ST6GALNAC1: variants seen among roughly 807,000 people sequenced by gnomAD.
ST6GALNAC1 encodes the protein alpha-N-acetylgalactosaminide alpha-2,6-sialyltransferase 1.
Under a neutral mutation model 56.8 loss-of-function variants are expected in ST6GALNAC1, and 45 were observed. That is an observed-to-expected ratio of 0.79 (90% CI 0.62 to 1.02). ST6GALNAC1 has a LOEUF of 1.02. ST6GALNAC1 is among the 50% of genes least tolerant of loss of function. The pLI, the probability that ST6GALNAC1 is intolerant of heterozygous loss-of-function variation, is 0.00. For missense variants in ST6GALNAC1, 743 were observed against 754.8 expected (o/e 0.98, Z 0.18); for synonymous variants, 295 against 297.8 (o/e 0.99, Z 0.10).
At chr17:76,638,110 C>T (rs868476461) in intron 1 of ST6GALNAC1, among the ~76,000 whole-genome samples, 3 of 132,802 alleles carry the variant, frequency 2.3e-5, no homozygotes, top group Non-Finnish European at 3.2e-5. Flanking sequence ...ACAGCTCACT[C>T]TTTTTTTTTT....
chr17:76,622,522 G>A (rs1389523855), downstream of ST6GALNAC1, among the ~76,000 whole-genome samples: 2 of 152,060 alleles, frequency 1.3e-5, no homozygotes, highest in South Asian at 2.1e-4. Context: ...ACGCCACCAT[G>A]CCCAGCTAAT....
intron 1 of ST6GALNAC1, 108 bp downstream of exon 1, chr17:76,643,400 C>T: frequency 2.5e-6 from 3 of 1,212,622 alleles, no homozygotes; most frequent in Admixed American, 2.2e-5. Flanking sequence ...CTGACACTCC[C>T]ATGTGGACAC....
At chr17:76,621,931 AGTCT>A (rs745438973), downstream of ST6GALNAC1, among the ~76,000 whole-genome samples, 36 of 140,284 alleles carry the variant, frequency 2.6e-4, no homozygotes, top group Middle Eastern at 3.7e-3. Context: ...ATTTGTTTAA[AGTCT>A]TTCTTTTCTT....
Position 76,627,307 on chromosome 17 carries a change from C to T in ST6GALNAC1, c.1001-69G>A. 3.2e-6 allele frequency: 5 copies of T among 1,561,652 alleles called. No homozygotes were observed. The highest frequency in any genetic ancestry group is 4.3e-6 in the Non-Finnish European group (5 of 1,152,814). On this transcript the variant is annotated intron_variant, in intron 3 of 8. Transcript: ENST00000156626. This position sits in a 1 kb window ranked among gnomAD's most constrained non-coding sequence, Gnocchi z 4.4. ...ACAGGAGTCCGACCCATCATTCCTC[C>T]CAGGTCTGGCAAACCCCAGGGAAGA... is the stretch of plus-strand genomic sequence containing the variant.
Position 76,629,455 on chromosome 17 carries a change from C to G in ST6GALNAC1, c.388G>C (p.Glu130Gln). Residue 130 changes from glutamate (E) to glutamine (Q), a missense_variant, in exon 2 of 9, where the codon GAG (glutamate) becomes CAG (glutamine). Glu to Gln is a conservative substitution (Grantham distance 29). Coordinates refer to ENST00000156626, the MANE Select transcript of ST6GALNAC1 (RefSeq NM_018414.5). ...GACAGTGTGTTCACCATGGTTTTCT[C>G]TTTTTCTGGGCTCTTCCATGCTGCC... is the stretch of plus-strand genomic sequence containing the variant. ...QRAAWKSPEKEKTMVNTLSPR... is the reference protein window; with the variant it reads ...QRAAWKSPEKQKTMVNTLSPR... The G allele has an allele frequency of 6.2e-7, 1 of 1,614,134 alleles. No individual in the cohort carries two copies. The highest frequency in any genetic ancestry group is 8.5e-7 in the Non-Finnish European group (1 of 1,180,008).
Position 76,627,480 on chromosome 17 carries a change from T to C in ST6GALNAC1, c.935A>G (p.Gln312Arg). 6.2e-7 allele frequency: 1 copy of C among 1,614,192 alleles called. No homozygotes were observed. Among genetic ancestry groups the C allele is most frequent in the Non-Finnish European group, 8.5e-7 (1 of 1,180,036 alleles). The change falls in exon 3 of 9, where the codon CAG becomes CGG. Residue 312 changes from glutamine (Q) to arginine (R), a missense_variant. Transcript: ENST00000156626. The surrounding 1 kb of genome is among the most constrained non-coding windows in gnomAD (Gnocchi z 4.4). ...GTGTTCCAGGCGGTCCCACTCACTCTGGTTGAAGTGTCTGGAGTCCAGGAA... is the reference window on the plus strand; with the variant it reads ...GTGTTCCAGGCGGTCCCACTCACTCCGGTTGAAGTGTCTGGAGTCCAGGAA... ...TLFLDSRHFNQSEWDRLEHFA... is the reference protein window; with the variant it reads ...TLFLDSRHFNRSEWDRLEHFA...
chr17:76,633,236 C>T (rs1440896312), intron 1 of ST6GALNAC1, among the ~76,000 whole-genome samples: 4 of 147,664 alleles, frequency 2.7e-5, no homozygotes, highest in Non-Finnish European at 3.0e-5. Flanking sequence ...AATGGCCAGG[C>T]GTGGTGGCTC....
At chr17:76,637,351 TAA>T (rs201789498) in intron 1 of ST6GALNAC1, 202 of 123,226 alleles carry the variant, frequency 1.6e-3, no homozygotes, top group Middle Eastern at 3.8e-3. Flanking sequence ...AGATGTGAAT[TAA>T]AAAAAAAAAA....
Position 76,627,591 on chromosome 17 carries a change from C to T in ST6GALNAC1, c.832-8G>A. On this transcript the variant is annotated splice_region_variant and splice_polypyrimidine_tract_variant and intron_variant, in intron 2 of 8. Coordinates refer to ENST00000156626, the MANE Select transcript of ST6GALNAC1 (RefSeq NM_018414.5). This position sits in a 1 kb window ranked among gnomAD's most constrained non-coding sequence, Gnocchi z 4.4. ...CACAGAGTCAGGGCAAGTCTATATACAGGAGGACGAAGTCAGGAAGGGAGA... is the reference window on the plus strand; with the variant it reads ...CACAGAGTCAGGGCAAGTCTATATATAGGAGGACGAAGTCAGGAAGGGAGA... The T allele has an allele frequency of 6.2e-7, 1 of 1,613,188 alleles. No homozygotes were observed. Among genetic ancestry groups the T allele is most frequent in the Non-Finnish European group, 8.5e-7 (1 of 1,179,602 alleles).
In ST6GALNAC1 at chr17:76,625,930, C is replaced by T; in HGVS notation, c.1506-12G>A. 6.3e-7 allele frequency: 1 copy of T among 1,593,200 alleles called. No homozygotes were observed. The highest frequency in any genetic ancestry group is 8.5e-7 in the Non-Finnish European group (1 of 1,170,150). ...TAGACCTCAGAAACCTGTGAAATGC[C>T]CCAAACCCCCAACTGTCAGGAGGCT... is the stretch of plus-strand genomic sequence containing the variant. On this transcript the variant is annotated splice_polypyrimidine_tract_variant and intron_variant, in intron 7 of 8. Transcript: ENST00000156626.
rs779855485 is a variant in ST6GALNAC1 at position 76,629,418 on chromosome 17, T to G, written c.425A>C (p.Gln142Pro). 1.2e-6 allele frequency: 2 copies of G among 1,614,206 alleles called. No homozygotes were observed. The highest frequency in any genetic ancestry group is 2.2e-5 in the South Asian group (2 of 91,086). Residue 142 changes from glutamine (Q) to proline (P), a missense_variant, in exon 2 of 9, where the codon CAA (glutamine) becomes CCA (proline). By Grantham distance (76) the Gln-to-Pro change is moderately conservative (BLOSUM62 -1). Transcript: ENST00000156626. ...CCTGCCAGAGGCCATCCCTGCATCT[T>G]GCCCTCTGGGTGACAGTGTGTTCAC... is the stretch of plus-strand genomic sequence containing the variant. ...TMVNTLSPRG[Q>P]DAGMASGRTE...
At chr17:76,639,775 T>G (rs1598309463) in intron 1 of ST6GALNAC1, among the ~76,000 whole-genome samples, 3 of 117,584 alleles carry the variant, frequency 2.6e-5, no homozygotes, top group Non-Finnish European at 3.5e-5. Context: ...CTGCTGGAGG[T>G]AGGGAGTGGG....
intron 8 of ST6GALNAC1, 38 bp downstream of exon 8, chr17:76,625,781 T>A: frequency 6.8e-7 from 1 of 1,463,108 alleles, no homozygotes; most frequent in Non-Finnish European, 9.1e-7. Flanking sequence ...CCAGGAGCTG[T>A]TTCTCCAGGT....
intron 1 of ST6GALNAC1, among the ~76,000 whole-genome samples, chr17:76,639,627 A>G (rs950145942): frequency 3.5e-5 from 5 of 143,696 alleles, no homozygotes; most frequent in African/African-American, 1.3e-4. Flanking sequence ...AATTCATATA[A>G]TTACATGATA....
Position 76,643,706 on chromosome 17 carries a change from C to G in ST6GALNAC1, c.-68G>C. On this transcript the variant is annotated 5_prime_UTR_variant, in exon 1 of 9. Coordinates refer to ENST00000156626, the MANE Select transcript of ST6GALNAC1 (RefSeq NM_018414.5). ...GGCCTTGATGTAGGCAGCTGGGAGT[C>G]TCACCGCTCAGGTTTCCTGGCCAGG... 1 of 1,538,658 alleles carries G rather than the reference C, an allele frequency of 6.5e-7. No homozygotes were observed. The highest frequency in any genetic ancestry group is 8.9e-7 in the Non-Finnish European group (1 of 1,123,734).
chr17:76,635,947 G>A (rs1039086539), intron 1 of ST6GALNAC1, among the ~76,000 whole-genome samples: 13 of 152,078 alleles, frequency 8.5e-5, no homozygotes, highest in Non-Finnish European at 1.3e-4. Context: ...AGTTCTGCTC[G>A]GGGGGATACT....
rs1458997696 is a variant in ST6GALNAC1 at position 76,627,953 on chromosome 17, C to T, written c.832-370G>A. ...TCTACTAAAAATACAAAAAATTAGC[C>T]GGGCGTGGTGGCGGGCGCCTGTAGT... is the stretch of plus-strand genomic sequence containing the variant. On this transcript the variant is annotated intron_variant, in intron 2 of 8. Transcript: ENST00000156626. This position sits in a 1 kb window ranked among gnomAD's most constrained non-coding sequence, Gnocchi z 4.4. Among the ~76,000 whole-genome samples the T allele has an allele frequency of 6.6e-6, 1 of 151,950 alleles. No homozygotes were observed. The highest frequency in any genetic ancestry group is 1.5e-5 in the Non-Finnish European group (1 of 67,976).
intron 8 of ST6GALNAC1, 140 bp from the exon 9 acceptor site, chr17:76,625,667 G>A (rs2075786650): frequency 6.0e-6 from 7 of 1,169,134 alleles, no homozygotes; most frequent in South Asian, 1.5e-5. Flanking sequence ...CCCTGGATAC[G>A]CACGCATAAC....
intron 1 of ST6GALNAC1, among the ~76,000 whole-genome samples, chr17:76,637,272 T>TAAAAAAA (rs771644279): frequency 2.1e-3 from 39 of 18,180 alleles, no homozygotes; most frequent in Non-Finnish European, 2.3e-3. Context: ...CAATAAATAC[T>TAAAAAAA]AAAAAAAAAA....
Sources: gnomAD v4.1 joint callset for allele counts (sites outside exome capture counted in the v4.1 genomes callset) on GRCh38, gnomAD v4.1.1 for gene constraint, Gnocchi (gnomAD v3.1) non-coding constraint, MANE v1.5 for transcripts, NCBI Gene and HGNC (gene_info 2026-07-23, HGNC 2026-07-21) for gene names.